The following SLC24A3 variants were observed in gnomAD, a reference collection of about 807,000 sequenced individuals.
SLC24A3 encodes sodium/potassium/calcium exchanger 3.
In SLC24A3, 28 loss-of-function variants were observed where a neutral mutation model predicts 75.8. That is an observed-to-expected ratio of 0.37 (90% CI 0.27 to 0.51). The LOEUF is 0.51. Ranked by LOEUF, SLC24A3 falls within the 20% of genes least tolerant of loss-of-function variation. The pLI, the probability that SLC24A3 is intolerant of heterozygous loss-of-function variation, is 0.94. For synonymous variants in SLC24A3, 372 were observed against 334.1 expected (o/e 1.11, Z -1.24); for missense variants, 663 against 847.8 (o/e 0.78, Z 2.71).
At chr20:19,487,210 CTTGAA>C (rs1378762328) in intron 2 of SLC24A3, among the ~76,000 whole-genome samples, 8 of 152,284 alleles carry the variant, frequency 5.3e-5, no homozygotes, top group African/African-American at 1.9e-4. Flanking sequence ...ATTGATGCCT[CTTGAA>C]TTGAATTAAA....
chr20:19,616,609 A>G (rs552336315), intron 6 of SLC24A3, among the ~76,000 whole-genome samples: 2 of 152,312 alleles, frequency 1.3e-5, no homozygotes, highest in East Asian at 3.9e-4. Context: ...CACTTGGACT[A>G]TGAATGAAAA....
chr20:19,435,437 A>G (rs1244196111), intron 2 of SLC24A3, among the ~76,000 whole-genome samples: 2 of 152,244 alleles, frequency 1.3e-5, no homozygotes, highest in Admixed American at 6.5e-5. Context: ...TCTATACCAT[A>G]GCATTAAGTA....
intron 6 of SLC24A3, among the ~76,000 whole-genome samples, chr20:19,613,106 C>A (rs2031692447): frequency 6.6e-6 from 1 of 152,202 alleles, no homozygotes; most frequent in African/African-American, 2.4e-5. Flanking sequence ...ACCCTACTCA[C>A]ATGTTCACAC....
intron 6 of SLC24A3, among the ~76,000 whole-genome samples, chr20:19,625,220 T>C (rs1489068874): frequency 6.6e-6 from 1 of 152,210 alleles, no homozygotes; most frequent in African/African-American, 2.4e-5. Flanking sequence ...CACCTCTTGA[T>C]GGAATGATGA....
At chr20:19,488,017 G>A (rs1164818398) in intron 2 of SLC24A3, among the ~76,000 whole-genome samples, 4 of 152,202 alleles carry the variant, frequency 2.6e-5, no homozygotes, top group Non-Finnish European at 5.9e-5. Flanking sequence ...ATCTCTGCAT[G>A]TTGATGTTAC....
intron 6 of SLC24A3, among the ~76,000 whole-genome samples, chr20:19,639,203 G>A (rs1003581459): frequency 6.6e-6 from 1 of 152,034 alleles, no homozygotes; most frequent in African/African-American, 2.4e-5. Flanking sequence ...CCACACAAAG[G>A]TTCTCCAAGG....
intron 3 of SLC24A3, among the ~76,000 whole-genome samples, chr20:19,559,269 A>G (rs1224994671): frequency 6.6e-6 from 1 of 152,088 alleles, no homozygotes; most frequent in Non-Finnish European, 1.5e-5. Flanking sequence ...TTTTGGGTGA[A>G]GTGTTTGCTC....
intron 1 of SLC24A3, among the ~76,000 whole-genome samples, chr20:19,218,198 C>T (rs988403992): frequency 6.6e-6 from 1 of 152,200 alleles, no homozygotes; most frequent in Admixed American, 6.5e-5. Flanking sequence ...GTGTTAGGAG[C>T]CCATCAGCTG....
chr20:19,705,934 G>A (rs73285779), intron 15 of SLC24A3, among the ~76,000 whole-genome samples: 4,597 of 152,260 alleles, frequency 0.03, 241 homozygotes, highest in African/African-American at 0.1. Context: ...TGGAAAATGA[G>A]CACTTCTTGT....
chr20:19,491,224 G>A lies in SLC24A3; in HGVS notation c.272-24264G>A, dbSNP rs571505480. Among the ~76,000 whole-genome samples the A allele has an allele frequency of 4.1e-4, 63 of 152,296 alleles. 1 individual carries two copies. In the South Asian group the frequency reaches 8.1e-3, roughly 20 times the overall value. ...TGAGCTCGTAGTTGTCCAGAGAGGGGAAGGGCTGTGCACCCCTCCCTGTCC... is the reference window on the plus strand; with the variant it reads ...TGAGCTCGTAGTTGTCCAGAGAGGGAAAGGGCTGTGCACCCCTCCCTGTCC... On this transcript the variant is annotated intron_variant, in intron 2 of 16. Coordinates refer to ENST00000328041, the MANE Select transcript of SLC24A3 (RefSeq NM_020689.4).
At chr20:19,647,254 G>A (rs1000340655) in intron 6 of SLC24A3, among the ~76,000 whole-genome samples, 3 of 151,980 alleles carry the variant, frequency 2.0e-5, no homozygotes, top group Admixed American at 6.6e-5. Flanking sequence ...TCCTTCCACC[G>A]CCTGCCTCAC....
chr20:19,444,097 G>A (rs558693416), intron 2 of SLC24A3, among the ~76,000 whole-genome samples: 2 of 152,110 alleles, frequency 1.3e-5, no homozygotes, highest in African/African-American at 4.8e-5. Context: ...AAGTTTATAT[G>A]ATTTTTCTTC....
rs192664822 is a variant in SLC24A3 at position 19,277,732 on chromosome 20, A to C, written c.143-3227A>C. On this transcript the variant is annotated intron_variant, in intron 1 of 16. Transcript: ENST00000328041. ...AGATATTGAATCATTATGTTTAAAA[A>C]TCCTCTAATTTTCTGCTACAATAGC... 4.5e-4 allele frequency among the ~76,000 whole-genome samples: 69 copies of C among 152,310 alleles called. No individual in the cohort carries two copies. In the East Asian group the frequency reaches 0.013, roughly 28 times the overall value.
intron 2 of SLC24A3, among the ~76,000 whole-genome samples, chr20:19,330,114 T>A (rs532763948): frequency 3.5e-4 from 54 of 152,342 alleles, no homozygotes; most frequent in Non-Finnish European, 6.8e-4. Flanking sequence ...ACACTCGTCT[T>A]CTGAAACAAA....
intron 6 of SLC24A3, among the ~76,000 whole-genome samples, chr20:19,594,074 C>A (rs1008215519): frequency 6.6e-6 from 1 of 152,186 alleles, no homozygotes; most frequent in Non-Finnish European, 1.5e-5. Flanking sequence ...GAAGGATTCC[C>A]GTCATGGCCT....
chr20:19,662,217 C>T (rs2032334353), intron 7 of SLC24A3, among the ~76,000 whole-genome samples: 1 of 152,084 alleles, frequency 6.6e-6, no homozygotes, highest in Non-Finnish European at 1.5e-5. Flanking sequence ...AGCCTGGCCC[C>T]CAAACAGAAC....
intron 2 of SLC24A3, among the ~76,000 whole-genome samples, chr20:19,460,044 A>C (rs2206640): frequency 0.54 from 82,818 of 151,972 alleles, 22,861 homozygotes; most frequent in Non-Finnish European, 0.58. Context: ...AAGATAGAAA[A>C]GAAGTGGGCC....
At chr20:19,240,985 G>A (rs781230631) in intron 1 of SLC24A3, among the ~76,000 whole-genome samples, 9 of 152,166 alleles carry the variant, frequency 5.9e-5, no homozygotes, top group Admixed American at 2.0e-4. Flanking sequence ...CAAGTGCCAC[G>A]CCTCCCACTT....
intron 2 of SLC24A3, among the ~76,000 whole-genome samples, chr20:19,377,493 T>G (rs953909165): frequency 6.6e-6 from 1 of 152,166 alleles, no homozygotes; most frequent in African/African-American, 2.4e-5. Context: ...TAGAACAGGT[T>G]AAACTAAGCT....
Sources: allele counts gnomAD v4.1 joint callset (sites outside exome capture counted in the v4.1 genomes callset), GRCh38; gene constraint gnomAD v4.1.1; transcripts MANE v1.5; gene names NCBI Gene and HGNC (gene_info 2026-07-23, HGNC 2026-07-21).